Variants in DBF4B observed in about 807,000 individuals in gnomAD.
The protein encoded by DBF4B is protein DBF4 homolog B.
A neutral mutation model predicts 53.4 loss-of-function variants in DBF4B; 49 were observed. The ratio of observed to expected loss-of-function variants is 0.92; its 90% CI spans 0.73 to 1.16. The LOEUF is 1.16. DBF4B is among the 50% of genes most tolerant of loss of function. The probability of loss-of-function intolerance (pLI) is 0.00; values close to 1 mark genes in which losing one functional copy is unlikely to be tolerated. For missense variants in DBF4B, 692 were observed against 775.0 expected, an observed-to-expected ratio of 0.89 and a Z score of 1.27; for synonymous variants, 257 against 288.7, an observed-to-expected ratio of 0.89 and a Z score of 1.11.
intron 8 of DBF4B, 69 bp from the exon 9 acceptor site, chr17:44,738,310 C>T: frequency 1.3e-6 from 2 of 1,500,466 alleles, no homozygotes. Context: ...TCAGCATTTC[C>T]TGCATGTGTG....
At chr17:44,708,876 G>C (rs1287441949) in intron 1 of DBF4B, 37 bp downstream of exon 1, 1 of 1,549,988 alleles carries the variant, frequency 6.5e-7, no homozygotes, top group African/African-American at 1.4e-5. Context: ...AAAGGCGGAA[G>C]GGGTCGTTAA....
chr17:44,729,999 G>T lies in DBF4B; in HGVS notation c.320G>T (p.Cys107Phe). 6.2e-7 allele frequency: 1 copy of T among 1,613,804 alleles called. No homozygotes were observed. The highest frequency in any genetic ancestry group is 8.5e-7 in the Non-Finnish European group (1 of 1,180,036). Residue 107 changes from cysteine to phenylalanine, a missense_variant, in exon 4 of 14, where the codon TGC becomes TTC. Cys to Phe is a radical substitution (Grantham distance 205). This residue lies in a region of DBF4B where 597 missense variants were observed against 665.8 expected (regional missense o/e 0.90). Coordinates refer to ENST00000315005, the MANE Select transcript of DBF4B (RefSeq NM_145663.3). Reference sequence around the variant, plus strand: ...AGCAGTGGGAAAAGCCATAGAGGCTGCCCTAGCCCTAGCCCCAGTGAGGTC... The same window carrying T: ...AGCAGTGGGAAAAGCCATAGAGGCTTCCCTAGCCCTAGCCCCAGTGAGGTC... ...AESSGKSHRGCPSPSPSEVRV... is the reference protein window; with the variant it reads ...AESSGKSHRGFPSPSPSEVRV...
At chr17:44,724,236 A>C (rs1284611637) in intron 3 of DBF4B, among the ~76,000 whole-genome samples, 2 of 152,172 alleles carry the variant, frequency 1.3e-5, no homozygotes, top group African/African-American at 4.8e-5. Flanking sequence ...GTCTCTACTA[A>C]AAATACAAAA....
rs1363697151 is a variant in DBF4B at position 44,751,697 on chromosome 17, C to T, written c.*444C>T. 12 of 1,428,434 alleles carry T rather than the reference C, an allele frequency of 8.4e-6. No homozygotes were observed. The East Asian group carries it at 1.3e-4, about 15-fold the overall frequency. The allele number at this position is 1,428,434 out of a possible 1,614,324, so 88.5% of individuals were successfully genotyped here. ...GCTCCTTCCTGCGGTCTATACCTACCGCCTCCTCTTCACCTCCTTCCCTTC... is the reference window on the plus strand; with the variant it reads ...GCTCCTTCCTGCGGTCTATACCTACTGCCTCCTCTTCACCTCCTTCCCTTC... On this transcript the variant is annotated 3_prime_UTR_variant, in exon 14 of 14. Transcript: ENST00000315005.
chr17:44,709,428 G>T (rs1282153357), intron 2 of DBF4B, 62 bp downstream of exon 2: 1 of 1,573,542 alleles, frequency 6.4e-7, no homozygotes, highest in Non-Finnish European at 8.7e-7. Context: ...TCTTGGAGAA[G>T]ACCGAAAAAT....
chr17:44,745,660 G>C (rs1255886588), intron 10 of DBF4B, among the ~76,000 whole-genome samples: 2 of 152,196 alleles, frequency 1.3e-5, no homozygotes, highest in Non-Finnish European at 2.9e-5. Context: ...GGGGATTATA[G>C]GGATTACAAT....
intron 3 of DBF4B, among the ~76,000 whole-genome samples, chr17:44,723,930 C>T (rs1266713049): frequency 6.6e-6 from 1 of 151,978 alleles, no homozygotes; most frequent in African/African-American, 2.4e-5. Flanking sequence ...GGCAACATGG[C>T]GAGAGCCCGT....
chr17:44,712,270 TTTAA>T (rs1430018144), intron 2 of DBF4B, among the ~76,000 whole-genome samples: 1 of 151,596 alleles, frequency 6.6e-6, no homozygotes, highest in African/African-American at 2.4e-5. Flanking sequence ...CTCATACTGT[TTTAA>T]TTGTTTTCCA....
intron 2 of DBF4B, chr17:44,720,245 A>T: frequency 6.1e-6 from 2 of 329,654 alleles, no homozygotes; most frequent in Non-Finnish European, 1.2e-5. Flanking sequence ...TTAGAGGCAC[A>T]TCTTCAGTAG....
In DBF4B at chr17:44,751,322, G is replaced by A. The variant is rs997773795; in HGVS notation, c.*69G>A. The A allele has an allele frequency of 1.8e-5, 27 of 1,537,310 alleles. No homozygotes were observed. The Admixed American group carries it at 2.7e-4, about 15-fold the overall frequency. On this transcript the variant is annotated 3_prime_UTR_variant, in exon 14 of 14. Transcript: ENST00000315005. The stretch of plus-strand genomic sequence containing the variant: ...TGCTGCTTGATGTGAATGAGGTCCC[G>A]CAGTGGCTCCTTGGCGTGAGCACTG...
chr17:44,717,739 G>A (rs1973451676), intron 2 of DBF4B, among the ~76,000 whole-genome samples: 1 of 151,702 alleles, frequency 6.6e-6, no homozygotes, highest in African/African-American at 2.4e-5. Context: ...AGGGGGCTAG[G>A]CGTGTTGGCT....
At chr17:44,739,798 T>C (rs1176939862) in intron 9 of DBF4B, among the ~76,000 whole-genome samples, 1 of 151,122 alleles carries the variant, frequency 6.6e-6, no homozygotes, top group East Asian at 1.9e-4. Flanking sequence ...TGAGACGGAG[T>C]CTCACTCCAT....
chr17:44,730,026 G>C lies in DBF4B; in HGVS notation c.347G>C (p.Arg116Thr). The change falls in exon 4 of 14, where the codon AGA becomes ACA. Residue 116 changes from arginine (R) to threonine (T), a missense_variant. Arg to Thr is a moderately conservative substitution (Grantham distance 71, BLOSUM62 -1). Transcript: ENST00000315005. ...CCTAGCCCTAGCCCCAGTGAGGTCA[G>C]AGTGGAAACATCGGCCATGGTTGAT... ...GCPSPSPSEV[R>T]VETSAMVDPK... 1 of 1,613,600 alleles carries C rather than the reference G, an allele frequency of 6.2e-7. No individual in the cohort carries two copies. The highest frequency in any genetic ancestry group is 2.2e-5 in the East Asian group (1 of 44,886).
At chr17:44,747,571 G>A in intron 12 of DBF4B, 56 bp downstream of exon 12, 1 of 1,598,784 alleles carries the variant, frequency 6.3e-7, no homozygotes, top group Non-Finnish European at 8.5e-7. Flanking sequence ...GTTGCCCTCT[G>A]GGTGGGAAGA....
chr17:44,709,624 T>A (rs1021371585), intron 2 of DBF4B, among the ~76,000 whole-genome samples: 1 of 152,120 alleles, frequency 6.6e-6, no homozygotes, highest in African/African-American at 2.4e-5. Context: ...CCAGGCCCAC[T>A]TAGTGGTTTT....
chr17:44,719,234 G>C (rs1598773058), intron 2 of DBF4B: 1 of 151,972 alleles, frequency 6.6e-6, no homozygotes, highest in East Asian at 1.9e-4. Context: ...CAAAGTGCTA[G>C]GATTACAAGC....
At chr17:44,730,878 C>A in intron 4 of DBF4B, 87 bp from the exon 5 acceptor site, 2 of 1,407,578 alleles carry the variant, frequency 1.4e-6, no homozygotes, top group Admixed American at 1.7e-5. Context: ...AACCCCAAGA[C>A]ATAACCCCTC....
intron 7 of DBF4B, 40 bp downstream of exon 7, chr17:44,734,203 T>C (rs1339583424): frequency 2.5e-6 from 4 of 1,613,504 alleles, no homozygotes; most frequent in Non-Finnish European, 3.4e-6. Flanking sequence ...ATGGATGGTT[T>C]TCAATGAAAT....
Position 44,747,456 on chromosome 17 carries a change from G to A in DBF4B, c.1005G>A (p.Arg335=), listed in dbSNP as rs768325702. 1.2e-6 allele frequency: 2 copies of A among 1,614,142 alleles called. No individual in the cohort carries two copies. The highest frequency in any genetic ancestry group is 2.2e-5 in the South Asian group (2 of 91,086). The change falls in exon 12 of 14, where the codon AGG becomes AGA. Residue 335 remains arginine (R), a synonymous_variant. Coordinates refer to ENST00000315005, the MANE Select transcript of DBF4B (RefSeq NM_145663.3). ...CCCATCTATATGCAGAAGTGGACAGGATCATTGCTCAGCTCAGCCACAGCT... is the reference window on the plus strand; with the variant it reads ...CCCATCTATATGCAGAAGTGGACAGAATCATTGCTCAGCTCAGCCACAGCT... The part of the protein sequence containing the change: ...LEAHLYAEVD[R]IIAQLSHSFA...
Sources: allele counts gnomAD v4.1 joint callset (sites outside exome capture counted in the v4.1 genomes callset), GRCh38; gene constraint gnomAD v4.1.1; regional missense constraint gnomAD v4.1.1; transcripts MANE v1.5; gene names NCBI Gene and HGNC (gene_info 2026-07-23, HGNC 2026-07-21).